Variants in ATL2 observed in about 807,000 individuals in gnomAD.
ATL2 encodes the protein atlastin GTPase 2, also known as atlastin-2.
Under a neutral mutation model 73.9 loss-of-function variants are expected in ATL2, and 31 were observed. The observed-to-expected ratio is 0.42, with a 90% CI of 0.32 to 0.57. The LOEUF (loss-of-function observed/expected upper bound fraction) is 0.57. ATL2 is among the 20% of genes least tolerant of loss of function. The pLI, the probability that ATL2 is intolerant of heterozygous loss-of-function variation, is 0.14. For synonymous variants in ATL2, 291 were observed against 237.5 expected (o/e 1.23, Z -2.07); for missense variants, 738 against 702.6 (o/e 1.05, Z -0.57).
intron 2 of ATL2, among the ~76,000 whole-genome samples, chr2:38,320,496 A>G (rs965501536): frequency 1.3e-5 from 2 of 152,228 alleles, no homozygotes; most frequent in Non-Finnish European, 2.9e-5. Context: ...ATTTTCCATA[A>G]TAAAAGTTTT....
Position 38,302,494 on chromosome 2 carries a change from T to C in ATL2, c.1072-2166A>G, listed in dbSNP as rs78063489. 6.9e-3 allele frequency among the ~76,000 whole-genome samples: 1,043 copies of C among 152,236 alleles called. 11 individuals carry two copies. The highest frequency in any genetic ancestry group is 0.056 in the East Asian group (291 of 5,152). ...GGCAATAACCACACAATAGTCACAA[T>C]GGGCCTTGGGCAAGACCCATTGCTG... On this transcript the variant is annotated intron_variant, in intron 9 of 12. Transcript: ENST00000378954.
chr2:38,342,629 T>C (rs977500916), intron 2 of ATL2, among the ~76,000 whole-genome samples: 1 of 152,182 alleles, frequency 6.6e-6, no homozygotes, highest in Non-Finnish European at 1.5e-5. Context: ...GGAACACAGA[T>C]ATACTTTTTC....
chr2:38,374,492 C>A (rs894634846), intron 1 of ATL2, among the ~76,000 whole-genome samples: 17 of 152,318 alleles, frequency 1.1e-4, no homozygotes, highest in African/African-American at 4.1e-4. Flanking sequence ...TGGAGAAAAT[C>A]TTTGCGCTGT....
At chr2:38,304,035 G>A (rs1425424562) in intron 9 of ATL2, among the ~76,000 whole-genome samples, 1 of 152,100 alleles carries the variant, frequency 6.6e-6, no homozygotes, top group African/African-American at 2.4e-5. Flanking sequence ...AGGCTGAGAT[G>A]GGAGGATCAC....
At chr2:38,318,507 G>A in intron 4 of ATL2, 28 bp downstream of exon 4, 2 of 1,500,248 alleles carry the variant, frequency 1.3e-6, no homozygotes, top group Non-Finnish European at 1.8e-6. Context: ...TACGTGAACT[G>A]ATCGCACCAC....
chr2:38,377,220 T>G lies in ATL2; in HGVS notation c.41A>C (p.His14Pro). 6.2e-7 allele frequency: 1 copy of G among 1,606,648 alleles called. No individual in the cohort carries two copies. Among genetic ancestry groups the G allele is most frequent in the Non-Finnish European group, 8.5e-7 (1 of 1,177,440 alleles). Residue 14 changes from histidine (H) to proline (P), a missense_variant, in exon 1 of 13, where the codon CAC becomes CCC. Coordinates refer to ENST00000378954, the MANE Select transcript of ATL2 (RefSeq NM_001135673.4). ...GDEAARGQQP[H>P]QGLWRRRRTS... is the part of the protein sequence containing the mutation. ...CCGTCGCCGGCGCCACAGCCCCTGG[T>G]GCGGTTGCTGCCCTCGCGCTGCCTC...
intron 1 of ATL2, among the ~76,000 whole-genome samples, chr2:38,374,714 T>C (rs759468745): frequency 6.6e-6 from 1 of 152,270 alleles, no homozygotes; most frequent in Non-Finnish European, 1.5e-5. Flanking sequence ...TCCAGCATTA[T>C]CAAACTAGTT....
chr2:38,300,870 G>C (rs550413247), intron 9 of ATL2, among the ~76,000 whole-genome samples: 1 of 137,210 alleles, frequency 7.3e-6, no homozygotes, highest in East Asian at 2.0e-4. Context: ...TTGTATTTCA[G>C]CTCAAGAAGG....
At chr2:38,325,581 A>C (rs1438382867) in intron 2 of ATL2, among the ~76,000 whole-genome samples, 1 of 150,120 alleles carries the variant, frequency 6.7e-6, no homozygotes, top group African/African-American at 2.5e-5. Flanking sequence ...ACACTTTTTA[A>C]GTTCACCCTG....
chr2:38,312,097 T>C (rs1449014728), intron 7 of ATL2, among the ~76,000 whole-genome samples: 1 of 152,208 alleles, frequency 6.6e-6, no homozygotes, highest in Non-Finnish European at 1.5e-5. Flanking sequence ...AATAAAATCT[T>C]ATCAATGAAA....
intron 1 of ATL2, among the ~76,000 whole-genome samples, chr2:38,362,516 A>G (rs1366850935): frequency 1.3e-5 from 2 of 152,230 alleles, no homozygotes; most frequent in Non-Finnish European, 2.9e-5. Flanking sequence ...CCCCACCTCC[A>G]GAGTCTGATT....
At chr2:38,314,067 C>T (rs745875875) in intron 6 of ATL2, among the ~76,000 whole-genome samples, 101 of 152,236 alleles carry the variant, frequency 6.6e-4, no homozygotes, top group African/African-American at 2.2e-3. Flanking sequence ...GCTGTCATAC[C>T]GGAAAGGCTT....
rs1417677844 is a variant in ATL2, at chr2:38,298,390, G to A, written c.1386C>T (p.His462=). ...CATAGAAGATATTTTTGCCATCATT[G>A]TGCTTTATAAAATTTGCATAGGTTT... is the stretch of plus-strand genomic sequence containing the variant. The part of the protein sequence containing the change: ...IEETYANFIK[H]NDGKNIFYAA... The change falls in exon 12 of 13, where the codon CAC becomes CAT. Residue 462 remains histidine (H), a synonymous_variant. Coordinates refer to ENST00000378954, the MANE Select transcript of ATL2 (RefSeq NM_001135673.4). The A allele has an allele frequency of 6.2e-7, 1 of 1,614,028 alleles. No individual in the cohort carries two copies. The highest frequency in any genetic ancestry group is 1.3e-5 in the African/African-American group (1 of 74,924).
chr2:38,320,392 G>GA (rs2148439744), intron 2 of ATL2, among the ~76,000 whole-genome samples: 1 of 152,116 alleles, frequency 6.6e-6, no homozygotes, highest in East Asian at 1.9e-4. Context: ...GGGAGGTAAG[G>GA]AAAAAAGAGA....
intron 2 of ATL2, among the ~76,000 whole-genome samples, chr2:38,324,469 G>T (rs924490018): frequency 1.3e-5 from 2 of 152,174 alleles, no homozygotes; most frequent in African/African-American, 4.8e-5. Context: ...ACCACCAATT[G>T]TATTTACTGT....
At chr2:38,304,818 C>T (rs961998127) in intron 9 of ATL2, among the ~76,000 whole-genome samples, 1 of 152,060 alleles carries the variant, frequency 6.6e-6, no homozygotes, top group Admixed American at 6.5e-5. Flanking sequence ...GAAATTAAAA[C>T]ATACCACCAG....
At chr2:38,312,509 G>C in intron 7 of ATL2, among the ~76,000 whole-genome samples, 1 of 152,086 alleles carries the variant, frequency 6.6e-6, no homozygotes, top group East Asian at 1.9e-4. Flanking sequence ...AGGAGTTCAA[G>C]ACCAGCCTGG....
intron 9 of ATL2, among the ~76,000 whole-genome samples, chr2:38,302,508 G>A (rs1224767916): frequency 6.6e-6 from 1 of 152,214 alleles, no homozygotes; most frequent in Non-Finnish European, 1.5e-5. Context: ...CCTTGGGCAA[G>A]ACCCATTGCT....
chr2:38,310,253 A>G, intron 8 of ATL2, 56 bp downstream of exon 8: 5 of 1,582,190 alleles, frequency 3.2e-6, no homozygotes, highest in Non-Finnish European at 2.6e-6. Flanking sequence ...TTTTCTTAAA[A>G]AACTTTCCAC....
Sources: allele counts gnomAD v4.1 joint callset (sites outside exome capture counted in the v4.1 genomes callset), GRCh38; gene constraint gnomAD v4.1.1; transcripts MANE v1.5; gene names NCBI Gene and HGNC (gene_info 2026-07-23, HGNC 2026-07-21).